DIP2C: variants seen among roughly 807,000 people sequenced by gnomAD.
DIP2C encodes the protein disco-interacting protein 2 homolog C.
A neutral mutation model predicts 192.4 loss-of-function variants in DIP2C; 33 were observed. The observed-to-expected ratio is 0.17, with a 90% CI of 0.13 to 0.23. The LOEUF (loss-of-function observed/expected upper bound fraction) is 0.23, where lower values mean the gene tolerates loss of function less well. DIP2C is among the 10% of genes least tolerant of loss of function. The pLI, the probability that DIP2C is intolerant of heterozygous loss-of-function variation, is 1.00. For synonymous variants in DIP2C, 979 were observed against 864.1 expected, an observed-to-expected ratio of 1.13 and a Z score of -2.33; for missense variants, 1,537 against 2,110.1, an observed-to-expected ratio of 0.73 and a Z score of 5.32.
intron 1 of DIP2C, among the ~76,000 whole-genome samples, chr10:505,506 C>G (rs1193626551): frequency 6.6e-6 from 1 of 152,206 alleles, no homozygotes; most frequent in African/African-American, 2.4e-5. Context: ...AACAACCTGC[C>G]CAGCTGTGAT....
At chr10:457,961 G>A (rs1443378028) in intron 3 of DIP2C, among the ~76,000 whole-genome samples, 2 of 152,240 alleles carry the variant, frequency 1.3e-5, no homozygotes, top group African/African-American at 4.8e-5. Flanking sequence ...GATGGGGACT[G>A]TCTGCAGGTC....
intron 1 of DIP2C, among the ~76,000 whole-genome samples, chr10:618,695 G>A (rs1049109078): frequency 6.6e-6 from 1 of 152,194 alleles, no homozygotes; most frequent in African/African-American, 2.4e-5. Context: ...CTGAAACCGT[G>A]GAATAATTAT....
intron 1 of DIP2C, among the ~76,000 whole-genome samples, chr10:645,889 C>G (rs911975957): frequency 3.3e-5 from 5 of 152,162 alleles, no homozygotes; most frequent in African/African-American, 1.2e-4. Context: ...CCTGTCTCCC[C>G]CAAAATGCTG....
Position 674,789 on chromosome 10 carries a change from T to TATATAGAGAG in DIP2C, c.85+14704_85+14705insCTCTCTATAT. ...CATCTCAAATATATATATATATATATAGAGAGAGAGAGAGAGAGAGAGAGA... is the reference window on the plus strand; with the variant it reads ...CATCTCAAATATATATATATATATATATATAGAGAGAGAGAGAGAGAGAGAGAGAGAGAGA... On this transcript the variant is annotated intron_variant, in intron 1 of 36. Coordinates refer to ENST00000280886, the MANE Select transcript of DIP2C (RefSeq NM_014974.3). Among the ~76,000 whole-genome samples, 624 of 62,450 alleles carry TATATAGAGAG rather than the reference T, an allele frequency of 1.0e-2. 11 individuals are homozygous for TATATAGAGAG. The highest frequency in any genetic ancestry group is 0.012 in the Non-Finnish European group (453 of 37,414). 41.0% of individuals were successfully genotyped at this position (62,450 alleles called of 152,430 possible).
intron 34 of DIP2C, among the ~76,000 whole-genome samples, chr10:285,346 G>A (rs1254330362): frequency 5.3e-5 from 8 of 152,168 alleles, no homozygotes; most frequent in African/African-American, 1.4e-4. Flanking sequence ...TTCTTAGCAC[G>A]CCTCCCACAT....
At chr10:650,009 A>G (rs1323860035) in intron 1 of DIP2C, 22 of 653,858 alleles carry the variant, frequency 3.4e-5, no homozygotes, top group Non-Finnish European at 5.5e-5. Flanking sequence ...CACATCAACA[A>G]TTCCTTATTA....
At chr10:347,413 G>A (rs1170089475) in intron 26 of DIP2C, among the ~76,000 whole-genome samples, 20 of 143,616 alleles carry the variant, frequency 1.4e-4, no homozygotes, top group East Asian at 1.0e-3. Flanking sequence ...CGGACACATC[G>A]CGCATAGTTC....
chr10:341,549 G>C (rs1287739026), intron 28 of DIP2C, among the ~76,000 whole-genome samples: 6 of 147,802 alleles, frequency 4.1e-5, no homozygotes, highest in African/African-American at 1.3e-4. Flanking sequence ...TGCACTGAAC[G>C]CAAGGCTGTG....
At chr10:658,213 C>T (rs1217736733) in intron 1 of DIP2C, among the ~76,000 whole-genome samples, 114 of 151,714 alleles carry the variant, frequency 7.5e-4, no homozygotes, top group Admixed American at 7.5e-3. Flanking sequence ...GGACCTGCCC[C>T]TGGACCTGCC....
intron 28 of DIP2C, among the ~76,000 whole-genome samples, chr10:341,863 T>A (rs1196101363): frequency 6.6e-6 from 1 of 152,036 alleles, no homozygotes; most frequent in Non-Finnish European, 1.5e-5. Flanking sequence ...GACAACGGAG[T>A]GAGACCCTGT....
intron 24 of DIP2C, among the ~76,000 whole-genome samples, chr10:354,237 G>A (rs558318599): frequency 3.3e-5 from 5 of 152,170 alleles, no homozygotes; most frequent in South Asian, 2.1e-4. Flanking sequence ...GGCCCCCATC[G>A]GATTTGCAGT....
chr10:688,744 G>A (rs1476943797), intron 1 of DIP2C, among the ~76,000 whole-genome samples: 1 of 152,252 alleles, frequency 6.6e-6, no homozygotes, highest in Non-Finnish European at 1.5e-5. Flanking sequence ...GCAAATAAGA[G>A]GCGTACACAA....
chr10:292,015 C>T (rs1252779792), intron 32 of DIP2C, among the ~76,000 whole-genome samples: 2 of 152,234 alleles, frequency 1.3e-5, no homozygotes, highest in East Asian at 1.9e-4. Flanking sequence ...CCAAGTCATG[C>T]TGTAAGAAGA....
At chr10:391,341 G>A (rs1236250368) in intron 10 of DIP2C, among the ~76,000 whole-genome samples, 2 of 152,344 alleles carry the variant, frequency 1.3e-5, no homozygotes, top group East Asian at 3.9e-4. Flanking sequence ...GCCAGGCAGG[G>A]CACCTCGGCC....
At chr10:565,354 T>TAAAATAAAAAAAAAAAA (rs376030794) in intron 1 of DIP2C, among the ~76,000 whole-genome samples, 22 of 114,102 alleles carry the variant, frequency 1.9e-4, no homozygotes, top group African/African-American at 7.1e-4. Context: ...ACCTGCATTC[T>TAAAATAAAAAAAAAAAA]AAAAAAAAAA....
intron 23 of DIP2C, among the ~76,000 whole-genome samples, chr10:357,554 A>AAC (rs751098818): frequency 6.6e-6 from 1 of 152,182 alleles, no homozygotes; most frequent in Non-Finnish European, 1.5e-5. Context: ...ATCTCCTATA[A>AAC]ACACATTTTT....
chr10:415,975 C>T, intron 6 of DIP2C, 87 bp from the exon 7 acceptor site: 1 of 1,584,906 alleles, frequency 6.3e-7, no homozygotes, highest in Non-Finnish European at 8.6e-7. Flanking sequence ...AGCCCCCTCC[C>T]CAGCGCGGCT....
At chr10:405,619 CCAATA>C (rs1244158835) in intron 9 of DIP2C, among the ~76,000 whole-genome samples, 4 of 152,130 alleles carry the variant, frequency 2.6e-5, no homozygotes, top group African/African-American at 9.7e-5. Context: ...CATAGTGATC[CCAATA>C]CAATACTGGA....
At chr10:318,260 T>C (rs535196126) in intron 31 of DIP2C, among the ~76,000 whole-genome samples, 28 of 152,302 alleles carry the variant, frequency 1.8e-4, no homozygotes, top group Middle Eastern at 3.4e-3. Flanking sequence ...TACAGAGCCC[T>C]TGTGGCTCTG....
Sources: allele counts gnomAD v4.1 joint callset (sites outside exome capture counted in the v4.1 genomes callset), GRCh38; gene constraint gnomAD v4.1.1; transcripts MANE v1.5; gene names NCBI Gene and HGNC (gene_info 2026-07-23, HGNC 2026-07-21).